AR: variants seen among roughly 807,000 people sequenced by gnomAD.
The protein encoded by AR is dihydrotestosterone receptor.
AR carries 8 observed loss-of-function variants against 53.9 expected under a neutral mutation model. The observed-to-expected ratio is 0.15, with a 90% CI of 0.09 to 0.27. The LOEUF (loss-of-function observed/expected upper bound fraction) is 0.27. Ranked by LOEUF, AR falls within the 10% of genes least tolerant of loss-of-function variation. AR has a pLI of 1.00. For synonymous variants in AR, 359 were observed against 316.4 expected (o/e 1.13, Z -1.43); for missense variants, 639 against 742.5 (o/e 0.86, Z 1.62).
In AR at chrX:67,544,781, A is replaced by C. The variant is rs1929625578; in HGVS notation, c.-366A>C. The C allele has an allele frequency of 5.2e-6, 1 of 192,683 alleles. No individual in the cohort carries two copies. Among genetic ancestry groups the C allele is most frequent in the Non-Finnish European group, 9.6e-6 (1 of 104,611 alleles). The allele number at this position is 192,683 out of a possible 1,213,427, so 15.9% of individuals were successfully genotyped here. On this transcript the variant is annotated 5_prime_UTR_variant, in exon 1 of 8. Coordinates refer to ENST00000374690, the MANE Select transcript of AR (RefSeq NM_000044.6). ...AACAAAAAAGCCGAAATAAAAGAAA[A>C]AGATAATAACTCAGTTCTTATTTGC...
rs2076153908 is a variant in AR at position 67,725,479 on chromosome X, T to A, written c.*1638T>A. 1 of 174,106 alleles carries A rather than the reference T, an allele frequency of 5.7e-6. No individual in the cohort carries two copies. Among genetic ancestry groups the A allele is most frequent in the South Asian group, 3.2e-4 (1 of 3,156 alleles). The allele number at this position is 174,106 out of a possible 1,213,427, so 14.3% of individuals were successfully genotyped here. On this transcript the variant is annotated 3_prime_UTR_variant, in exon 8 of 8. Transcript: ENST00000374690. Reference sequence around the variant, plus strand: ...AACTCAATTACCAGGGTGGGAAGAATGAAGGCACTAGAACCAGAAACCCTG... The same window carrying A: ...AACTCAATTACCAGGGTGGGAAGAAAGAAGGCACTAGAACCAGAAACCCTG...
intron 1 of AR, among the ~76,000 whole-genome samples, chrX:67,599,238 T>G (rs1923230399): frequency 8.9e-6 from 1 of 111,970 alleles, no homozygotes; most frequent in African/African-American, 3.2e-5. Flanking sequence ...TTTGGCAATG[T>G]AGACTAAATA....
Position 67,545,068 on chromosome X carries a change from C to CA in AR, c.-78dup. On this transcript the variant is annotated 5_prime_UTR_variant, in exon 1 of 8. Coordinates refer to ENST00000374690, the MANE Select transcript of AR (RefSeq NM_000044.6). ...AGCTGCAGCGACTACCGCATCATCACAGCCTGTTGAACTCTTCTGAGCAAG... is the reference window on the plus strand; with the variant it reads ...AGCTGCAGCGACTACCGCATCATCACAAGCCTGTTGAACTCTTCTGAGCAAG... 1 of 1,111,474 alleles carries CA rather than the reference C, an allele frequency of 9.0e-7. No homozygotes were observed. Among genetic ancestry groups the CA allele is most frequent in the Non-Finnish European group, 1.2e-6 (1 of 842,712 alleles). The allele number at this position is 1,111,474 out of a possible 1,213,427, so 91.6% of individuals were successfully genotyped here. A position where few individuals can be genotyped will look rare whatever the true frequency, so the allele number is the denominator to read the frequency against.
At chrX:67,553,436 C>T (rs1003857583) in intron 1 of AR, among the ~76,000 whole-genome samples, 1 of 111,912 alleles carries the variant, frequency 8.9e-6, no homozygotes, top group Non-Finnish European at 1.9e-5. Context: ...GCCGGTACCA[C>T]GTTATCTTGA....
rs2076153420 is a variant in AR at position 67,725,343 on chromosome X, G to C, written c.*1502G>C. ...AGGCATCAAAGGGATCAGGCAAGCT[G>C]GGCGTCTTGCCCTTGTCCCCCAGAG... On this transcript the variant is annotated 3_prime_UTR_variant, in exon 8 of 8. Coordinates refer to ENST00000374690, the MANE Select transcript of AR (RefSeq NM_000044.6). 1 of 174,000 alleles carries C rather than the reference G, an allele frequency of 5.7e-6. No individual in the cohort carries two copies. Among genetic ancestry groups the C allele is most frequent in the Non-Finnish European group, 1.1e-5 (1 of 91,406 alleles). 14.3% of individuals were successfully genotyped at this position (174,000 alleles called of 1,213,427 possible).
At chrX:67,575,120 A>T (rs1921993210) in intron 1 of AR, among the ~76,000 whole-genome samples, 1 of 111,195 alleles carries the variant, frequency 9.0e-6, no homozygotes. Flanking sequence ...AAGATTTAAC[A>T]CATTTTCAAA....
In AR at chrX:67,598,568, C is replaced by T. The variant is rs905824872; in HGVS notation, c.1617-44688C>T. 3.6e-5 allele frequency among the ~76,000 whole-genome samples: 4 copies of T among 111,233 alleles called. No homozygotes were observed. In the East Asian group the frequency reaches 8.5e-4, roughly 24 times the overall value. ...TGCTAGGATTACAGATGTGAGCCAC[C>T]GCACCCCACCTCAGCAATGTGTTTT... On this transcript the variant is annotated intron_variant, in intron 1 of 7. Coordinates refer to ENST00000374690, the MANE Select transcript of AR (RefSeq NM_000044.6).
At chrX:67,566,663 G>C (rs1921571327) in intron 1 of AR, among the ~76,000 whole-genome samples, 1 of 110,820 alleles carries the variant, frequency 9.0e-6, no homozygotes, top group Non-Finnish European at 1.9e-5. Flanking sequence ...GTAGAGTATG[G>C]GGGTGACAAA....
chrX:67,642,465 G>T (rs1481809026), intron 1 of AR, among the ~76,000 whole-genome samples: 1 of 111,571 alleles, frequency 9.0e-6, no homozygotes, highest in Non-Finnish European at 1.9e-5. Context: ...TAGACAAGGT[G>T]ACTTCTGAAG....
chrX:67,627,534 C>G (rs758826049), intron 1 of AR, among the ~76,000 whole-genome samples: 73 of 111,373 alleles, frequency 6.6e-4, no homozygotes, highest in African/African-American at 2.4e-3. Context: ...GATATTAGCC[C>G]TTTGTCAGAT....
intron 1 of AR, among the ~76,000 whole-genome samples, chrX:67,631,916 C>T (rs1471874070): frequency 1.8e-5 from 2 of 113,069 alleles, no homozygotes; most frequent in African/African-American, 6.4e-5. Context: ...TGTCAGTCTG[C>T]CCCTGCTGGG....
chrX:67,684,380 G>A lies in AR; in HGVS notation c.1769-1630G>A, dbSNP rs746365282. Among the ~76,000 whole-genome samples the A allele has an allele frequency of 8.1e-5, 9 of 111,791 alleles. No homozygotes were observed. In the Admixed American group the frequency reaches 8.5e-4, roughly 11 times the overall value. ...AAAGAGCACTGGCCTGGAGACCTTA[G>A]TTTTCTCATATGTTAAAAACCCCTA... On this transcript the variant is annotated intron_variant, in intron 2 of 7. Coordinates refer to ENST00000374690, the MANE Select transcript of AR (RefSeq NM_000044.6).
At chrX:67,693,759 G>T (rs1261596603) in intron 3 of AR, among the ~76,000 whole-genome samples, 1 of 111,729 alleles carries the variant, frequency 9.0e-6, no homozygotes, top group African/African-American at 3.3e-5. Context: ...TCGCTATCCT[G>T]CATCACCTTT....
chrX:67,547,426 T>C (rs1271893786), intron 1 of AR, among the ~76,000 whole-genome samples: 1 of 111,672 alleles, frequency 9.0e-6, no homozygotes, highest in East Asian at 2.8e-4. Context: ...GGGGCAACTT[T>C]CTTGGTAAAG....
intron 1 of AR, among the ~76,000 whole-genome samples, chrX:67,615,355 A>G (rs947810313): frequency 1.8e-5 from 2 of 111,430 alleles, no homozygotes; most frequent in African/African-American, 6.5e-5. Flanking sequence ...AAATGGAACC[A>G]CAATAAGATT....
At position 67,691,416 on chromosome X, in the gene AR, A is replaced by T. The variant is rs1351554645; in HGVS notation, c.1885+5290A>T. Reference sequence around the variant, plus strand: ...TTCTATTGTCAAATAAGTGAGGGAAACTTGCATATCATGGTCCTGCTCAGG... The same window carrying T: ...TTCTATTGTCAAATAAGTGAGGGAATCTTGCATATCATGGTCCTGCTCAGG... On this transcript the variant is annotated intron_variant, in intron 3 of 7. Coordinates refer to ENST00000374690, the MANE Select transcript of AR (RefSeq NM_000044.6). Among the ~76,000 whole-genome samples, 3 of 111,999 alleles carry T rather than the reference A, an allele frequency of 2.7e-5. No homozygotes were observed. In the East Asian group the frequency reaches 8.5e-4, roughly 32 times the overall value.
chrX:67,593,703 T>C (rs1922946491), intron 1 of AR, among the ~76,000 whole-genome samples: 1 of 112,328 alleles, frequency 8.9e-6, no homozygotes, highest in African/African-American at 3.2e-5. Context: ...TTAAAAAAGA[T>C]CTGGACTATT....
At chrX:67,609,302 A>T (rs1370222905) in intron 1 of AR, among the ~76,000 whole-genome samples, 1 of 111,458 alleles carries the variant, frequency 9.0e-6, no homozygotes, top group Non-Finnish European at 1.9e-5. Context: ...GATTTTTTGG[A>T]ACCTGCAGTG....
At chrX:67,629,805 T>G (rs1479976889) in intron 1 of AR, among the ~76,000 whole-genome samples, 1 of 110,848 alleles carries the variant, frequency 9.0e-6, no homozygotes, top group Non-Finnish European at 1.9e-5. Context: ...ACACACTGCT[T>G]TGAATGTGTC....
Sources: allele counts gnomAD v4.1 joint callset (sites outside exome capture counted in the v4.1 genomes callset), GRCh38; gene constraint gnomAD v4.1.1; transcripts MANE v1.5; gene names NCBI Gene and HGNC (gene_info 2026-07-23, HGNC 2026-07-21).